The following SEMA5A variants were observed in gnomAD, a reference collection of about 807,000 sequenced individuals.
The protein encoded by SEMA5A is semaphorin 5A.
Under a neutral mutation model 135.5 loss-of-function variants are expected in SEMA5A, and 55 were observed. That is an observed-to-expected ratio of 0.41 (90% CI 0.33 to 0.51). The LOEUF (loss-of-function observed/expected upper bound fraction) is 0.51, where lower values mean the gene tolerates loss of function less well. Among genes scored for constraint, SEMA5A ranks in the 20% least tolerant of loss-of-function variants. SEMA5A has a pLI of 0.37. For missense variants in SEMA5A, 1,290 were observed against 1,419.9 expected (o/e 0.91, Z 1.47); for synonymous variants, 580 against 546.5 (o/e 1.06, Z -0.85).
chr5:9,123,885 G>A (rs970864973), intron 13 of SEMA5A, among the ~76,000 whole-genome samples: 1 of 152,114 alleles, frequency 6.6e-6, no homozygotes, highest in African/African-American at 2.4e-5. Context: ...ATGGATTCAC[G>A]AACAGGGGCT....
intron 2 of SEMA5A, among the ~76,000 whole-genome samples, chr5:9,436,955 TG>T (rs1758053866): frequency 2.7e-5 from 1 of 36,368 alleles, no homozygotes; most frequent in Non-Finnish European, 1.1e-4. Flanking sequence ...CATTGTGAAG[TG>T]GGGGGTCAGT....
intron 1 of SEMA5A, among the ~76,000 whole-genome samples, chr5:9,505,976 A>T (rs1443267058): frequency 1.3e-5 from 2 of 152,254 alleles, no homozygotes; most frequent in African/African-American, 4.8e-5. Flanking sequence ...ATGAGTTGAG[A>T]TATCAAGAGA....
chr5:9,228,056 C>T (rs536994822), intron 6 of SEMA5A, among the ~76,000 whole-genome samples: 77 of 152,302 alleles, frequency 5.1e-4, no homozygotes, highest in African/African-American at 1.7e-3. Flanking sequence ...ACTTATTCAG[C>T]AAGCATTCAC....
intron 5 of SEMA5A, among the ~76,000 whole-genome samples, chr5:9,251,677 G>C (rs1040009213): frequency 6.6e-6 from 1 of 152,098 alleles, no homozygotes; most frequent in Non-Finnish European, 1.5e-5. Context: ...CTATAATAGA[G>C]GAGCAAAGCA....
rs1179037340 is a variant in SEMA5A, at chr5:9,040,684, G to A, written c.*2213C>T. On this transcript the variant is annotated 3_prime_UTR_variant, in exon 23 of 23. Coordinates refer to ENST00000382496, the MANE Select transcript of SEMA5A (RefSeq NM_003966.3). ...ACAACATGAAGATCCTGTAGTGAGG[G>A]AGGGTGTTTTTCCCAAGTCATTGCA... The A allele has an allele frequency of 1.3e-5, 2 of 152,166 alleles. No individual in the cohort carries two copies. The highest frequency in any genetic ancestry group is 4.8e-5 in the African/African-American group (2 of 41,428). The allele number at this position is 152,166 out of a possible 1,614,324, so 9.4% of individuals were successfully genotyped here. A position where few individuals can be genotyped will look rare whatever the true frequency, so the allele number is the denominator to read the frequency against.
intron 9 of SEMA5A, among the ~76,000 whole-genome samples, chr5:9,199,920 C>T (rs1451578041): frequency 6.6e-6 from 1 of 152,176 alleles, no homozygotes; most frequent in Non-Finnish European, 1.5e-5. Flanking sequence ...GAATGGTTAT[C>T]TTTTCCCCAT....
intron 3 of SEMA5A, among the ~76,000 whole-genome samples, chr5:9,348,995 G>C (rs1395690809): frequency 6.6e-6 from 1 of 152,164 alleles, no homozygotes; most frequent in East Asian, 1.9e-4. Flanking sequence ...CAATTCACAC[G>C]TAAGTTTCCT....
chr5:9,459,227 C>T (rs1283382011), intron 1 of SEMA5A, among the ~76,000 whole-genome samples: 3 of 152,180 alleles, frequency 2.0e-5, no homozygotes, highest in African/African-American at 4.8e-5. Flanking sequence ...ACCCTGATAC[C>T]TGCTTCCTCC....
intron 1 of SEMA5A, among the ~76,000 whole-genome samples, chr5:9,445,615 G>A (rs997531785): frequency 1.8e-4 from 28 of 152,182 alleles, no homozygotes; most frequent in African/African-American, 6.7e-4. Flanking sequence ...CTTGCAATGA[G>A]CCGAGATGGC....
intron 6 of SEMA5A, among the ~76,000 whole-genome samples, chr5:9,229,303 G>T (rs115839923): frequency 0.025 from 3,778 of 152,280 alleles, 149 homozygotes; most frequent in African/African-American, 0.082. Flanking sequence ...CCAGAGGTGG[G>T]AGGCTTGTCT....
At chr5:9,188,306 C>T (rs1032663013) in intron 11 of SEMA5A, among the ~76,000 whole-genome samples, 1 of 152,154 alleles carries the variant, frequency 6.6e-6, no homozygotes, top group Non-Finnish European at 1.5e-5. Context: ...AAATAAATTT[C>T]CGTTGTTTAA....
rs1736017298 is a variant in SEMA5A at position 9,042,528 on chromosome 5, G to A, written c.*369C>T. The A allele has an allele frequency of 4.2e-6, 1 of 235,446 alleles. No individual in the cohort carries two copies. The highest frequency in any genetic ancestry group is 6.0e-5 in the South Asian group (1 of 16,636). The allele number at this position is 235,446 out of a possible 1,614,324, so 14.6% of individuals were successfully genotyped here. A position where few individuals can be genotyped will look rare whatever the true frequency, so the allele number is the denominator to read the frequency against. ...TTTCAGAGAAAGTGCCTATTTTCTT[G>A]AATTACAACATCATGAAGATTTACA... is the stretch of plus-strand genomic sequence containing the variant. On this transcript the variant is annotated 3_prime_UTR_variant, in exon 23 of 23. Coordinates refer to ENST00000382496, the MANE Select transcript of SEMA5A (RefSeq NM_003966.3).
intron 2 of SEMA5A, among the ~76,000 whole-genome samples, chr5:9,431,812 C>T (rs372281226): frequency 6.6e-5 from 10 of 152,318 alleles, no homozygotes; most frequent in East Asian, 5.8e-4. Context: ...ATCTGCCCCT[C>T]TAATGGGTGT....
intron 1 of SEMA5A, among the ~76,000 whole-genome samples, chr5:9,494,568 G>T (rs1735205984): frequency 6.6e-6 from 1 of 152,014 alleles, no homozygotes; most frequent in African/African-American, 2.4e-5. Context: ...CACTTAGTAG[G>T]TCATGGATGA....
intron 5 of SEMA5A, among the ~76,000 whole-genome samples, chr5:9,258,236 C>T (rs1193657146): frequency 1.3e-5 from 2 of 152,184 alleles, no homozygotes; most frequent in African/African-American, 4.8e-5. Flanking sequence ...TCAGTCCTAA[C>T]TCTATATTTT....
chr5:9,535,052 G>C (rs1222896381), intron 1 of SEMA5A, among the ~76,000 whole-genome samples: 2 of 152,174 alleles, frequency 1.3e-5, no homozygotes, highest in Non-Finnish European at 2.9e-5. Context: ...TGAATGAGGT[G>C]TGAGCCCCGG....
At chr5:9,342,153 A>G (rs544198045) in intron 3 of SEMA5A, among the ~76,000 whole-genome samples, 54 of 152,122 alleles carry the variant, frequency 3.5e-4, no homozygotes, top group African/African-American at 1.3e-3. Context: ...GGTAAAAGCT[A>G]CTCTTTTAAA....
Position 9,348,771 on chromosome 5 carries a change from A to T in SEMA5A, c.125-10959T>A, listed in dbSNP as rs960832996. 8.5e-5 allele frequency among the ~76,000 whole-genome samples: 13 copies of T among 152,370 alleles called. No homozygotes were observed. The South Asian group carries it at 1.2e-3, about 15-fold the overall frequency. On this transcript the variant is annotated intron_variant, in intron 3 of 22. Transcript: ENST00000382496. ...TGGCCAAAGTGCTGGCTGTGTAAACAGTGATAGCCAGAAGACTGACAGCAA... is the reference window on the plus strand; with the variant it reads ...TGGCCAAAGTGCTGGCTGTGTAAACTGTGATAGCCAGAAGACTGACAGCAA...
chr5:9,254,713 G>A (rs778196854), intron 5 of SEMA5A, among the ~76,000 whole-genome samples: 38 of 152,148 alleles, frequency 2.5e-4, no homozygotes, highest in Non-Finnish European at 5.1e-4. Context: ...GGAGGCAGGA[G>A]GAATGGAGGA....
Sources: allele counts gnomAD v4.1 joint callset (sites outside exome capture counted in the v4.1 genomes callset), GRCh38; gene constraint gnomAD v4.1.1; transcripts MANE v1.5; gene names NCBI Gene and HGNC (gene_info 2026-07-23, HGNC 2026-07-21).